MINDY2: variants seen among roughly 807,000 people sequenced by gnomAD.
MINDY2 encodes ubiquitin carboxyl-terminal hydrolase MINDY-2.
A neutral mutation model predicts 68.2 loss-of-function variants in MINDY2; 52 were observed. That is an observed-to-expected ratio of 0.76 (90% confidence interval 0.61 to 0.96). The LOEUF (loss-of-function observed/expected upper bound fraction) is 0.96. MINDY2 is among the 40% of genes least tolerant of loss of function. MINDY2 has a pLI of 0.00. For synonymous variants in MINDY2, 372 were observed against 303.0 expected (o/e 1.23, Z -2.36); for missense variants, 881 against 773.4 (o/e 1.14, Z -1.65).
At position 58,771,651 on chromosome 15, in the gene MINDY2, G is replaced by C. The variant is rs764812639; in HGVS notation, c.256G>C (p.Asp86His). ...ACCCTGCAGCTCCTCCGCGGGTTTG[G>C]ACTTGAAGGACAGTGGTTTGGAGAG... is the stretch of plus-strand genomic sequence containing the variant. Reference protein sequence around the residue: ...PGPCSSSAGLDLKDSGLESPA... With the variant: ...PGPCSSSAGLHLKDSGLESPA... The change falls in exon 1 of 9, where the codon GAC (aspartate) becomes CAC (histidine). Residue 86 changes from aspartate to histidine, a missense_variant. Coordinates refer to ENST00000559228, the MANE Select transcript of MINDY2 (RefSeq NM_001040450.3). The C allele has an allele frequency of 1.1e-5, 17 of 1,612,408 alleles. No homozygotes were observed. In the South Asian group the frequency reaches 1.8e-4, roughly 17 times the overall value.
In MINDY2 at chr15:58,854,499, A is replaced by C. The variant is rs544050775; in HGVS notation, c.1755A>C (p.Gln585His). ...STQAQQGQPA[Q>H]ASPSSGRQSG... ...TCTTAAAGCAGGGCCAGCCAGCACAAGCCTCTCCATCAAGTGGAAGACAAT... is the reference window on the plus strand; with the variant it reads ...TCTTAAAGCAGGGCCAGCCAGCACACGCCTCTCCATCAAGTGGAAGACAAT... The change falls in exon 9 of 9, where the codon CAA becomes CAC. Residue 585 changes from glutamine to histidine, a missense_variant. Transcript: ENST00000559228. 1.5e-4 allele frequency: 238 copies of C among 1,613,806 alleles called. 3 individuals carry two copies. The South Asian group carries it at 2.4e-3, about 16-fold the overall frequency.
intron 5 of MINDY2, among the ~76,000 whole-genome samples, chr15:58,828,839 G>A (rs1299645357): frequency 6.6e-6 from 1 of 151,990 alleles, no homozygotes; most frequent in Non-Finnish European, 1.5e-5. Context: ...ACAGGCATGA[G>A]CCACTGCGCC....
intron 2 of MINDY2, among the ~76,000 whole-genome samples, chr15:58,797,334 C>T (rs1334628461): frequency 6.6e-6 from 1 of 152,032 alleles, no homozygotes; most frequent in Non-Finnish European, 1.5e-5. Context: ...TGGCAAAACC[C>T]TATCTTTACA....
intron 2 of MINDY2, among the ~76,000 whole-genome samples, chr15:58,796,892 T>TCTTCCATATCCATCCACTCTCCACCC (rs1437689428): frequency 6.6e-6 from 1 of 152,216 alleles, no homozygotes; most frequent in African/African-American, 2.4e-5. Flanking sequence ...CCTATCCAGC[T>TCTTCCATATCCATCCACTCTCCACCC]CTTCCATATC....
intron 2 of MINDY2, among the ~76,000 whole-genome samples, chr15:58,798,489 CTT>C (rs1902432793): frequency 6.7e-6 from 1 of 148,878 alleles, no homozygotes; most frequent in Non-Finnish European, 1.5e-5. Flanking sequence ...GAGTTTCACT[CTT>C]GTCACCCAGC....
rs552900665 is a variant in MINDY2, at chr15:58,859,799, A to G, written c.*5189A>G. 4 of 152,278 alleles carry G rather than the reference A, an allele frequency of 2.6e-5. No homozygotes were observed. Among genetic ancestry groups the G allele is most frequent in the Non-Finnish European group, 5.9e-5 (4 of 68,018 alleles). 9.4% of individuals were successfully genotyped at this position (152,278 alleles called of 1,614,324 possible). A position where few individuals can be genotyped will look rare whatever the true frequency, so the allele number is the denominator to read the frequency against. On this transcript the variant is annotated 3_prime_UTR_variant, in exon 9 of 9. Coordinates refer to ENST00000559228, the MANE Select transcript of MINDY2 (RefSeq NM_001040450.3). ...TAGAGTTTAATAAATTGTGATACGC[A>G]TATATTTTTTTACATGAAGGATTCT...
At chr15:58,793,184 G>T (rs867521663) in intron 2 of MINDY2, among the ~76,000 whole-genome samples, 29 of 152,310 alleles carry the variant, frequency 1.9e-4, no homozygotes, top group African/African-American at 6.3e-4. Flanking sequence ...TGGCACAGTG[G>T]CTCACGCCGT....
At chr15:58,775,520 T>G (rs563863412) in intron 1 of MINDY2, among the ~76,000 whole-genome samples, 1 of 152,334 alleles carries the variant, frequency 6.6e-6, no homozygotes, top group Admixed American at 6.5e-5. Context: ...GAAGTAAGAT[T>G]GTAGTGAGTG....
At chr15:58,852,682 G>A (rs772438552) in intron 8 of MINDY2, among the ~76,000 whole-genome samples, 5 of 152,022 alleles carry the variant, frequency 3.3e-5, no homozygotes, top group Non-Finnish European at 5.9e-5. Context: ...TTCCCTATCT[G>A]TAAAATAGAA....
chr15:58,836,537 A>C (rs765547899), intron 6 of MINDY2, among the ~76,000 whole-genome samples: 1 of 152,022 alleles, frequency 6.6e-6, no homozygotes, highest in Non-Finnish European at 1.5e-5. Context: ...CTATATTCCT[A>C]TTGTACCAGC....
At chr15:58,854,287 G>A (rs1340677398) in intron 8 of MINDY2, among the ~76,000 whole-genome samples, 195 bp from the exon 9 acceptor site, 1 of 151,466 alleles carries the variant, frequency 6.6e-6, no homozygotes, top group African/African-American at 2.4e-5. Flanking sequence ...TCAGAATAAT[G>A]AATACATTAA....
intron 4 of MINDY2, among the ~76,000 whole-genome samples, chr15:58,814,388 GGTTTT>G (rs2030532381): frequency 6.7e-6 from 1 of 150,024 alleles, no homozygotes; most frequent in African/African-American, 2.5e-5. Flanking sequence ...TTTTGTTTTT[GGTTTT>G]GTTTTTTTTT....
At chr15:58,801,575 C>T (rs1306390878) in intron 2 of MINDY2, among the ~76,000 whole-genome samples, 3 of 151,976 alleles carry the variant, frequency 2.0e-5, no homozygotes, top group Non-Finnish European at 4.4e-5. Flanking sequence ...AAAGGTTATA[C>T]ATATATTTAA....
chr15:58,800,146 A>T (rs1902544149), intron 2 of MINDY2, among the ~76,000 whole-genome samples: 1 of 152,204 alleles, frequency 6.6e-6, no homozygotes, highest in South Asian at 2.1e-4. Flanking sequence ...ACTTATGCCA[A>T]GCCCTCTCTT....
In MINDY2 at chr15:58,806,346, C is replaced by T. The variant is rs145088792; in HGVS notation, c.964-3884C>T. Among the ~76,000 whole-genome samples the T allele has an allele frequency of 3.1e-3, 463 of 149,588 alleles. 2 individuals are homozygous for T. The highest frequency in any genetic ancestry group is 0.011 in the African/African-American group (439 of 40,500). On this transcript the variant is annotated intron_variant, in intron 3 of 8. Coordinates refer to ENST00000559228, the MANE Select transcript of MINDY2 (RefSeq NM_001040450.3). Reference sequence around the variant, plus strand: ...GTCTGGCATTACAGGCGTGAGTCAACGTGCCAACTTTTTTTTTTTTTTTTT... The same window carrying T: ...GTCTGGCATTACAGGCGTGAGTCAATGTGCCAACTTTTTTTTTTTTTTTTT...
chr15:58,785,007 C>T (rs56197260), intron 1 of MINDY2, among the ~76,000 whole-genome samples: 3 of 151,852 alleles, frequency 2.0e-5, no homozygotes, highest in Non-Finnish European at 4.4e-5. Context: ...ATTCTGTATT[C>T]TTAGCCAACT....
At chr15:58,853,008 A>C in intron 8 of MINDY2, among the ~76,000 whole-genome samples, 1 of 41,278 alleles carries the variant, frequency 2.4e-5, no homozygotes, top group Admixed American at 3.1e-4. Flanking sequence ...GCTGGAGTGC[A>C]GTGGCGCAGT....
chr15:58,828,597 T>TG (rs1277572847), intron 5 of MINDY2, among the ~76,000 whole-genome samples: 1 of 139,992 alleles, frequency 7.1e-6, no homozygotes, highest in Non-Finnish European at 1.5e-5. Context: ...TTTTTTTTTT[T>TG]GTCACCCAGG....
intron 5 of MINDY2, among the ~76,000 whole-genome samples, chr15:58,831,021 G>A (rs1339106813): frequency 9.3e-6 from 1 of 107,578 alleles, no homozygotes; most frequent in Non-Finnish European, 1.6e-5. Context: ...TCAGTTGTGT[G>A]TGTGTGTGTG....
Sources: gnomAD v4.1 joint callset for allele counts (sites outside exome capture counted in the v4.1 genomes callset) on GRCh38, gnomAD v4.1.1 for gene constraint, MANE v1.5 for transcripts, NCBI Gene and HGNC (gene_info 2026-07-23, HGNC 2026-07-21) for gene names.